ATP10B: variants seen among roughly 807,000 people sequenced by gnomAD.
ATP10B encodes ATPase phospholipid transporting 10B (putative), also known as phospholipid-transporting ATPase VB.
A neutral mutation model predicts 141.2 loss-of-function variants in ATP10B; 122 were observed. That is an observed-to-expected ratio of 0.86 (90% CI 0.75 to 1.00). The LOEUF (loss-of-function observed/expected upper bound fraction) is 1.00. Among genes scored for constraint, ATP10B ranks in the 50% least tolerant of loss-of-function variants. The probability of loss-of-function intolerance (pLI) is 0.00; values close to 1 mark genes in which losing one functional copy is unlikely to be tolerated. For synonymous variants in ATP10B, 685 were observed against 692.0 expected (o/e 0.99, Z 0.16); for missense variants, 1,876 against 1,825.3 (o/e 1.03, Z -0.51).
the ATP10B span, among the ~76,000 whole-genome samples, chr5:160,922,433 A>G: frequency 6.6e-6 from 1 of 152,222 alleles, no homozygotes; most frequent in Non-Finnish European, 1.5e-5. Context: ...GTTTCAGATG[A>G]TTCACTGAAA....
At chr5:160,902,896 G>A in the ATP10B span, among the ~76,000 whole-genome samples, 2 of 152,206 alleles carry the variant, frequency 1.3e-5, no homozygotes, top group Admixed American at 6.5e-5. Context: ...AGCCTTGGAA[G>A]TTTGTAATCA....
At chr5:160,683,064 A>C (rs1264723782) in intron 6 of ATP10B, among the ~76,000 whole-genome samples, 4 of 137,582 alleles carry the variant, frequency 2.9e-5, no homozygotes, top group Non-Finnish European at 4.8e-5. Context: ...AAAAAAAAAA[A>C]GAAGAAGAAG....
At chr5:160,573,964 T>C (rs1755039831) in intron 24 of ATP10B, among the ~76,000 whole-genome samples, 1 of 152,212 alleles carries the variant, frequency 6.6e-6, no homozygotes, top group Non-Finnish European at 1.5e-5. Flanking sequence ...AGAGTGTTTC[T>C]GAGGTATGTA....
At chr5:160,729,393 G>C (rs1766586596) in intron 2 of ATP10B, among the ~76,000 whole-genome samples, 1 of 152,096 alleles carries the variant, frequency 6.6e-6, no homozygotes, top group South Asian at 2.1e-4. Context: ...TGACTACTGT[G>C]TTCCACCTTT....
At chr5:160,773,733 AAG>A (rs1332032565) in intron 2 of ATP10B, among the ~76,000 whole-genome samples, 15 of 152,206 alleles carry the variant, frequency 9.9e-5, no homozygotes, top group Middle Eastern at 3.4e-3. Flanking sequence ...TTCTGGGTGA[AAG>A]AGTTTTAGGG....
At chr5:160,880,594 C>T in the ATP10B span, among the ~76,000 whole-genome samples, 2 of 152,236 alleles carry the variant, frequency 1.3e-5, no homozygotes, top group African/African-American at 4.8e-5. Context: ...AATAGATCAA[C>T]AGCACAGAGT....
chr5:160,893,146 C>A, the ATP10B span, among the ~76,000 whole-genome samples: 4 of 152,006 alleles, frequency 2.6e-5, no homozygotes. Context: ...GAGCTAGCTG[C>A]AGGAGTTTTT....
rs747190419 is a variant in ATP10B, at chr5:160,686,148, C to T, written c.401G>A (p.Gly134Asp). 1 of 1,612,600 alleles carries T rather than the reference C, an allele frequency of 6.2e-7. No homozygotes were observed. Among genetic ancestry groups the T allele is most frequent in the Non-Finnish European group, 8.5e-7 (1 of 1,178,986 alleles). ...GCGGTGTCTCTTGAAGTCCTCCATG[C>T]CATCCTTGATCATGATGACGAACAG... ...IVLFVIMIKDGMEDFKRHRFD... is the reference protein window; with the variant it reads ...IVLFVIMIKDDMEDFKRHRFD... The change falls in exon 6 of 26, where the codon GGC becomes GAC. Residue 134 changes from glycine to aspartate, a missense_variant. Gly to Asp is a moderately conservative substitution (Grantham distance 94, BLOSUM62 -1). Coordinates refer to ENST00000327245, the MANE Select transcript of ATP10B (RefSeq NM_025153.3).
intron 1 of ATP10B, among the ~76,000 whole-genome samples, chr5:160,799,123 T>A (rs1461370203): frequency 3.3e-5 from 5 of 152,114 alleles, no homozygotes; most frequent in Non-Finnish European, 5.9e-5. Flanking sequence ...AAAGCTGATT[T>A]TTTTTTTCAG....
At chr5:160,678,102 A>G (rs533615951) in intron 6 of ATP10B, among the ~76,000 whole-genome samples, 75 of 152,300 alleles carry the variant, frequency 4.9e-4, no homozygotes, top group Non-Finnish European at 8.7e-4. Flanking sequence ...TAACCTCTAG[A>G]CAGTTTTGCT....
intron 3 of ATP10B, among the ~76,000 whole-genome samples, chr5:160,716,598 C>T (rs1355953373): frequency 1.3e-5 from 2 of 152,160 alleles, no homozygotes; most frequent in African/African-American, 2.4e-5. Flanking sequence ...GAAGACGATA[C>T]ATATGAGTCT....
intron 13 of ATP10B, among the ~76,000 whole-genome samples, chr5:160,627,249 C>T (rs1758657601): frequency 6.6e-6 from 1 of 152,202 alleles, no homozygotes; most frequent in Non-Finnish European, 1.5e-5. Flanking sequence ...CTTCTAAGCT[C>T]CTATAGCACC....
chr5:160,780,971 A>T (rs1770677569), intron 2 of ATP10B, among the ~76,000 whole-genome samples: 1 of 152,232 alleles, frequency 6.6e-6, no homozygotes, highest in South Asian at 2.1e-4. Flanking sequence ...TCAAAGGAGT[A>T]AACTGTTGTT....
the ATP10B span, among the ~76,000 whole-genome samples, chr5:160,909,033 G>A: frequency 4.6e-5 from 7 of 152,154 alleles, no homozygotes; most frequent in Non-Finnish European, 1.0e-4. Context: ...AGGCTCTGGG[G>A]AATGAATGGT....
Position 160,823,974 on chromosome 5 carries a change from C to T in ATP10B, c.-576+27967G>A, listed in dbSNP as rs146554004. Among the ~76,000 whole-genome samples, 120 of 152,228 alleles carry T rather than the reference C, an allele frequency of 7.9e-4. 1 individual carries two copies. Among genetic ancestry groups the T allele is most frequent in the African/African-American group, 2.6e-3 (106 of 41,542 alleles). ...GGTATTTGGAAAATACAAATAAGTA[C>T]GCAGAATAAATCAGTCATATTTCCA... On this transcript the variant is annotated intron_variant, in intron 1 of 25. Coordinates refer to ENST00000327245, the MANE Select transcript of ATP10B (RefSeq NM_025153.3).
At chr5:160,574,591 A>G (rs759270206) in intron 24 of ATP10B, among the ~76,000 whole-genome samples, 19 of 152,144 alleles carry the variant, frequency 1.2e-4, no homozygotes, top group Admixed American at 3.9e-4. Context: ...CTAAACTCAT[A>G]TGTTGGAACC....
In ATP10B at chr5:160,620,757, C is replaced by A. The variant is rs1444066044; in HGVS notation, c.2006G>T (p.Cys669Phe). The A allele has an allele frequency of 6.2e-7, 1 of 1,614,234 alleles. No individual in the cohort carries two copies. The highest frequency in any genetic ancestry group is 1.1e-5 in the South Asian group (1 of 91,088). Residue 669 changes from cysteine (C) to phenylalanine (F), a missense_variant, in exon 15 of 26, where the codon TGC becomes TTC. Physicochemically the swap from Cys to Phe is radical, Grantham distance 205. Transcript: ENST00000327245. The part of the protein sequence containing the change: ...DSDERDDASV[C>F]SGGDSTDDGG... The stretch of plus-strand genomic sequence containing the variant: ...GTCATCAGTGGAGTCACCTCCACTG[C>A]ACACAGATGCATCATCTCTCTCATC...
intron 1 of ATP10B, among the ~76,000 whole-genome samples, chr5:160,813,066 A>C (rs1431115994): frequency 6.6e-6 from 1 of 152,234 alleles, no homozygotes; most frequent in Non-Finnish European, 1.5e-5. Context: ...GTGATGCAGA[A>C]GATGGGTGAT....
rs191840983 is a variant in ATP10B, at chr5:160,638,237, C to A, written c.1001-1928G>T. Reference sequence around the variant, plus strand: ...TAATTCAGAATAGAATTCTGACCCTCCTCATGAACTTTCTTCATTTCTTTA... The same window carrying A: ...TAATTCAGAATAGAATTCTGACCCTACTCATGAACTTTCTTCATTTCTTTA... On this transcript the variant is annotated intron_variant, in intron 10 of 25. Coordinates refer to ENST00000327245, the MANE Select transcript of ATP10B (RefSeq NM_025153.3). Among the ~76,000 whole-genome samples the A allele has an allele frequency of 2.8e-3, 423 of 152,258 alleles. 1 individual carries two copies. Among genetic ancestry groups the A allele is most frequent in the African/African-American group, 9.8e-3 (406 of 41,546 alleles).
Sources: gnomAD v4.1 joint callset for allele counts (sites outside exome capture counted in the v4.1 genomes callset) on GRCh38, gnomAD v4.1.1 for gene constraint, MANE v1.5 for transcripts, NCBI Gene and HGNC (gene_info 2026-07-23, HGNC 2026-07-21) for gene names.